The following USP53 variants were observed in gnomAD, a reference collection of about 807,000 sequenced individuals.
USP53 encodes ubiquitin specific peptidase 53.
Under a neutral mutation model 94.9 loss-of-function variants are expected in USP53, and 71 were observed. That is an observed-to-expected ratio of 0.75 (90% CI 0.62 to 0.91). USP53 has a LOEUF of 0.91. USP53 is among the 40% of genes least tolerant of loss of function. The pLI, the probability that USP53 is intolerant of heterozygous loss-of-function variation, is 0.00. For missense variants in USP53, 1,173 were observed against 1,281.0 expected (o/e 0.92, Z 1.29); for synonymous variants, 375 against 422.7 (o/e 0.89, Z 1.39).
At chr4:119,260,161 C>T (rs1750311075) in intron 10 of USP53, among the ~76,000 whole-genome samples, 1 of 152,026 alleles carries the variant, frequency 6.6e-6, no homozygotes, top group Non-Finnish European at 1.5e-5. Context: ...TGAAATTTAT[C>T]ATTTGATTAC....
intron 10 of USP53, 62 bp downstream of exon 10, chr4:119,259,987 C>A: frequency 8.3e-7 from 1 of 1,199,414 alleles, no homozygotes. Flanking sequence ...AATAGGCATT[C>A]AGATATTATC....
chr4:119,267,486 A>G lies in USP53; in HGVS notation c.1135+4A>G, dbSNP rs752035954. ...AAATCTGTTGCAGAAAATATGGGTA[A>G]TTCTTTCTTTTAAAAATTCTCAATG... On this transcript the variant is annotated splice_donor_region_variant and intron_variant, in intron 13 of 18. Coordinates refer to ENST00000692078, the MANE Select transcript of USP53 (RefSeq NM_001371395.1). 2 of 1,603,598 alleles carry G rather than the reference A, an allele frequency of 1.2e-6. No homozygotes were observed. Among genetic ancestry groups the G allele is most frequent in the South Asian group, 1.1e-5 (1 of 88,602 alleles).
At chr4:119,267,745 C>T (rs1043693284) in intron 13 of USP53, among the ~76,000 whole-genome samples, 1 of 152,134 alleles carries the variant, frequency 6.6e-6, no homozygotes, top group Non-Finnish European at 1.5e-5. Flanking sequence ...TCTAGAAGTA[C>T]ATTTTAAGTG....
intron 9 of USP53, among the ~76,000 whole-genome samples, chr4:119,257,718 G>A (rs1431587252): frequency 1.3e-5 from 2 of 152,112 alleles, no homozygotes. Flanking sequence ...ATTTGGGTGT[G>A]TTTACTATCT....
At chr4:119,242,135 T>C (rs570062786) in intron 5 of USP53, among the ~76,000 whole-genome samples, 1 of 152,230 alleles carries the variant, frequency 6.6e-6, no homozygotes, top group Admixed American at 6.5e-5. Context: ...ATAGTTGTAA[T>C]AATTGTTTTT....
At chr4:119,260,218 C>T (rs1303605917) in intron 10 of USP53, among the ~76,000 whole-genome samples, 1 of 152,004 alleles carries the variant, frequency 6.6e-6, no homozygotes, top group Non-Finnish European at 1.5e-5. Flanking sequence ...GAATGATACT[C>T]TTTTCTCATC....
At chr4:119,275,891 T>G (rs1185332517) in intron 17 of USP53, among the ~76,000 whole-genome samples, 7 of 151,486 alleles carry the variant, frequency 4.6e-5, no homozygotes, top group Non-Finnish European at 7.4e-5. Flanking sequence ...ACGATTTGGC[T>G]CTCTGTTTGT....
Position 119,271,869 on chromosome 4 carries a change from T to C in USP53, c.2009T>C (p.Val670Ala), listed in dbSNP as rs1751916168. ...GKGAEKNKGLVEGKVHGDNWQ... is the reference protein window; with the variant it reads ...GKGAEKNKGLAEGKVHGDNWQ... Reference sequence around the variant, plus strand: ...GGAGCAGAGAAAAATAAAGGCCTTGTAGAGGGTAAAGTGCATGGTGATAAT... The same window carrying C: ...GGAGCAGAGAAAAATAAAGGCCTTGCAGAGGGTAAAGTGCATGGTGATAAT... Residue 670 changes from valine to alanine, a missense_variant, in exon 16 of 19, where the codon GTA (valine) becomes GCA (alanine). Coordinates refer to ENST00000692078, the MANE Select transcript of USP53 (RefSeq NM_001371395.1). 6.2e-7 allele frequency: 1 copy of C among 1,613,918 alleles called. No individual in the cohort carries two copies. Among genetic ancestry groups the C allele is most frequent in the East Asian group, 2.2e-5 (1 of 44,868 alleles).
intron 14 of USP53, 150 bp downstream of exon 14, chr4:119,268,570 T>C: frequency 1.2e-6 from 1 of 804,220 alleles, no homozygotes; most frequent in South Asian, 2.5e-5. Context: ...TGCATTTCTC[T>C]GAGAGCTGTA....
intron 17 of USP53, among the ~76,000 whole-genome samples, chr4:119,287,649 G>A (rs945559231): frequency 6.6e-5 from 10 of 152,084 alleles, no homozygotes; most frequent in African/African-American, 1.2e-4. Flanking sequence ...CTAAAAATAC[G>A]GGAGAATGCA....
chr4:119,213,660 A>ATATATATATATATATATATATATG, intron 1 of USP53, among the ~76,000 whole-genome samples: 2 of 117,792 alleles, frequency 1.7e-5, no homozygotes, highest in African/African-American at 7.2e-5. Context: ...ATATATATAT[A>ATATATATATATATATATATATATG]TGTGTGTGTG....
Position 119,260,535 on chromosome 4 carries a change from G to C in USP53, c.704G>C (p.Arg235Pro), listed in dbSNP as rs562373380. The change falls in exon 11 of 19, where the codon CGC becomes CCC. Residue 235 changes from arginine (R) to proline (P), a missense_variant. By Grantham distance (103) the Arg-to-Pro change is moderately radical. Transcript: ENST00000692078. ...PSNCGQKIKI[R>P]RVLMNCPEIV... is the part of the protein sequence containing the mutation. Reference sequence around the variant, plus strand: ...AACTGTGGCCAAAAAATAAAAATTCGCCGTGTTTTAATGAATTGCCCAGAG... The same window carrying C: ...AACTGTGGCCAAAAAATAAAAATTCCCCGTGTTTTAATGAATTGCCCAGAG... The C allele has an allele frequency of 2.5e-6, 4 of 1,613,040 alleles. No homozygotes were observed. The African/African-American group carries it at 5.3e-5, about 22-fold the overall frequency.
At chr4:119,266,489 C>T (rs72912491) in intron 12 of USP53, among the ~76,000 whole-genome samples, 3,219 of 152,242 alleles carry the variant, frequency 0.021, 114 homozygotes, top group African/African-American at 0.072. Flanking sequence ...TAGCCCTTCT[C>T]GTGTATGTAT....
intron 18 of USP53, 136 bp from the exon 19 acceptor site, chr4:119,292,202 A>G: frequency 1.0e-6 from 1 of 962,398 alleles, no homozygotes; most frequent in Non-Finnish European, 1.5e-6. Flanking sequence ...ATATCTTTCC[A>G]TTTTTGTGGT....
intron 3 of USP53, among the ~76,000 whole-genome samples, chr4:119,234,243 A>G (rs571346417): frequency 6.6e-6 from 1 of 152,286 alleles, no homozygotes; most frequent in Non-Finnish European, 1.5e-5. Flanking sequence ...AAAGGTCACA[A>G]CTAGGTCTTT....
At chr4:119,281,670 C>T (rs530726296) in intron 17 of USP53, among the ~76,000 whole-genome samples, 1 of 152,226 alleles carries the variant, frequency 6.6e-6, no homozygotes, top group South Asian at 2.1e-4. Flanking sequence ...CAAAATGATG[C>T]TTGCTTCCTG....
chr4:119,269,538 TTTTTAATC>T (rs1478495047), intron 14 of USP53, among the ~76,000 whole-genome samples, 145 bp from the exon 15 acceptor site: 2 of 152,146 alleles, frequency 1.3e-5, no homozygotes, highest in Non-Finnish European at 2.9e-5. Context: ...TCACATCTAG[TTTTTAATC>T]ATAAAAATAC....
At chr4:119,273,071 G>A (rs1030172146) in intron 16 of USP53, 2 of 152,428 alleles carry the variant, frequency 1.3e-5, no homozygotes, top group Non-Finnish European at 2.9e-5. Context: ...CACCTTGGGA[G>A]GCTGAGGCAG....
chr4:119,262,334 C>G (rs1750613305), intron 12 of USP53, among the ~76,000 whole-genome samples: 1 of 151,960 alleles, frequency 6.6e-6, no homozygotes, highest in South Asian at 2.1e-4. Flanking sequence ...TTACAGTTGA[C>G]CCTTGAACAA....
Sources: gnomAD v4.1 joint callset for allele counts (sites outside exome capture counted in the v4.1 genomes callset) on GRCh38, gnomAD v4.1.1 for gene constraint, MANE v1.5 for transcripts, NCBI Gene and HGNC (gene_info 2026-07-23, HGNC 2026-07-21) for gene names.